The following CELF2 variants were observed in gnomAD, a reference collection of about 807,000 sequenced individuals.
CELF2 encodes CUG triplet repeat RNA-binding protein 2.
A neutral mutation model predicts 62.6 loss-of-function variants in CELF2; 8 were observed. That is an observed-to-expected ratio of 0.13 (90% CI 0.07 to 0.23). CELF2 has a LOEUF of 0.23. Ranked by LOEUF, CELF2 falls within the 10% of genes least tolerant of loss-of-function variation. The probability of loss-of-function intolerance (pLI) is 1.00; values close to 1 mark genes in which losing one functional copy is unlikely to be tolerated. For synonymous variants in CELF2, 258 were observed against 250.0 expected, an observed-to-expected ratio of 1.03 and a Z score of -0.30; for missense variants, 333 against 671.0, an observed-to-expected ratio of 0.50 and a Z score of 5.56.
chr10:10,699,211 A>G, the CELF2 span, among the ~76,000 whole-genome samples: 1 of 152,248 alleles, frequency 6.6e-6, no homozygotes, highest in East Asian at 1.9e-4. Context: ...GTATATATAC[A>G]CATACATATC....
the CELF2 span, among the ~76,000 whole-genome samples, chr10:10,683,966 C>T: frequency 2.0e-5 from 3 of 152,046 alleles, no homozygotes; most frequent in African/African-American, 7.2e-5. Flanking sequence ...CCTTTCACTC[C>T]TTTTCAGAAT....
At chr10:10,835,335 C>T (rs2058192434) in intron 1 of CELF2, among the ~76,000 whole-genome samples, 1 of 151,262 alleles carries the variant, frequency 6.6e-6, no homozygotes, top group Admixed American at 6.6e-5. Flanking sequence ...AAGTAGCCCT[C>T]TGGCCTCAGT....
At chr10:10,687,013 C>T in the CELF2 span, among the ~76,000 whole-genome samples, 1 of 150,040 alleles carries the variant, frequency 6.7e-6, no homozygotes, top group Non-Finnish European at 1.5e-5. Flanking sequence ...CTCCCTAACC[C>T]TTGTTTCAGG....
chr10:11,307,654 T>C (rs1420596871), intron 9 of CELF2, among the ~76,000 whole-genome samples: 1 of 152,170 alleles, frequency 6.6e-6, no homozygotes, highest in Non-Finnish European at 1.5e-5. Flanking sequence ...AACAGAAGGT[T>C]GGGGAGATGA....
intron 3 of CELF2, among the ~76,000 whole-genome samples, chr10:11,229,344 C>T (rs1015422746): frequency 1.9e-4 from 28 of 149,582 alleles, no homozygotes; most frequent in African/African-American, 6.2e-4. Flanking sequence ...CTGGGAAAGA[C>T]CCAGAAACCT....
intron 1 of CELF2, among the ~76,000 whole-genome samples, chr10:10,825,446 G>A (rs2057314478): frequency 6.6e-6 from 1 of 152,120 alleles, no homozygotes; most frequent in Non-Finnish European, 1.5e-5. Flanking sequence ...TCCTGACCTT[G>A]TGATCTGTCC....
Position 10,845,918 on chromosome 10 carries a change from C to A in CELF2, c.53+47101C>A, listed in dbSNP as rs548480698. On this transcript the variant is annotated intron_variant, in intron 1 of 13. Transcript: ENST00000636488. Reference sequence around the variant, plus strand: ...AAAACAAAAGGAAACCAAGAAAAAACCCCTCATTATTATGTAACTATTTGG... The same window carrying A: ...AAAACAAAAGGAAACCAAGAAAAAAACCCTCATTATTATGTAACTATTTGG... 30 of 155,752 alleles carry A rather than the reference C, an allele frequency of 1.9e-4. 1 individual carries two copies. Among genetic ancestry groups the A allele is most frequent in the South Asian group, 4.1e-4 (2 of 4,894 alleles). The allele number at this position is 155,752 out of a possible 1,614,324, so 9.6% of individuals were successfully genotyped here.
chr10:11,111,873 T>C (rs1188285364), intron 1 of CELF2, among the ~76,000 whole-genome samples: 1 of 152,238 alleles, frequency 6.6e-6, no homozygotes, highest in African/African-American at 2.4e-5. Context: ...AGTTTTATCT[T>C]TTGAATTTGG....
At chr10:10,581,453 G>A in the CELF2 span, among the ~76,000 whole-genome samples, 1 of 152,138 alleles carries the variant, frequency 6.6e-6, no homozygotes, top group Non-Finnish European at 1.5e-5. Flanking sequence ...CCAAATAAGA[G>A]ATGAGGAGAA....
At position 11,312,195 on chromosome 10, in the gene CELF2, G is replaced by A. The variant is rs2094595363; in HGVS notation, c.977-1944G>A. 2.6e-5 allele frequency among the ~76,000 whole-genome samples: 4 copies of A among 152,258 alleles called. No individual in the cohort carries two copies. In the South Asian group the frequency reaches 8.3e-4, roughly 32 times the overall value. ...CAGGAAAGAAATATTTCATGAACTA[G>A]GATAAAGATGTAATTTTCATACAAA... On this transcript the variant is annotated intron_variant, in intron 9 of 12. Transcript: ENST00000633077.
At chr10:11,043,261 T>C (rs2062162844) in intron 1 of CELF2, among the ~76,000 whole-genome samples, 1 of 152,210 alleles carries the variant, frequency 6.6e-6, no homozygotes. Context: ...CGGAGGGTAT[T>C]AGGCAGGGCC....
intron 1 of CELF2, among the ~76,000 whole-genome samples, chr10:10,847,727 T>C (rs1046284076): frequency 1.5e-4 from 23 of 152,218 alleles, no homozygotes; most frequent in Non-Finnish European, 2.9e-4. Flanking sequence ...CTCATTGTTC[T>C]GCAGAATCAC....
At chr10:10,725,818 T>C in the CELF2 span, among the ~76,000 whole-genome samples, 1 of 152,046 alleles carries the variant, frequency 6.6e-6, no homozygotes, top group Non-Finnish European at 1.5e-5. Flanking sequence ...CTTCCTTCCT[T>C]CCCTTATTTA....
At chr10:11,257,895 C>G in intron 5 of CELF2, 23 bp downstream of exon 5, 1 of 1,613,338 alleles carries the variant, frequency 6.2e-7, no homozygotes, top group Non-Finnish European at 8.5e-7. Context: ...TCTGGAAAGC[C>G]TCTCCCCTTC....
the CELF2 span, among the ~76,000 whole-genome samples, chr10:10,598,201 G>C: frequency 6.6e-6 from 1 of 152,190 alleles, no homozygotes; most frequent in African/African-American, 2.4e-5. Context: ...TATTTCAGAT[G>C]AGATGCTGTG....
chr10:11,182,634 G>T (rs1047602766), intron 2 of CELF2, among the ~76,000 whole-genome samples: 3 of 152,176 alleles, frequency 2.0e-5, no homozygotes, highest in African/African-American at 7.2e-5. Flanking sequence ...GAGAAAATGA[G>T]AGTGGAAGTT....
chr10:11,038,930 T>G (rs1255470547), intron 1 of CELF2, among the ~76,000 whole-genome samples: 1 of 152,172 alleles, frequency 6.6e-6, no homozygotes, highest in Non-Finnish European at 1.5e-5. Flanking sequence ...ATGGAAATTT[T>G]TACAGATTCT....
intron 1 of CELF2, among the ~76,000 whole-genome samples, chr10:10,811,597 G>A (rs1057142879): frequency 6.6e-6 from 1 of 152,152 alleles, no homozygotes; most frequent in Non-Finnish European, 1.5e-5. Context: ...AGGGATGGAG[G>A]AAGGGATCAC....
chr10:10,651,665 C>G, the CELF2 span, among the ~76,000 whole-genome samples: 1 of 150,262 alleles, frequency 6.7e-6, no homozygotes, highest in Admixed American at 6.7e-5. Flanking sequence ...AGGGTCCTGT[C>G]TGTTAGAAGG....
Sources: allele counts gnomAD v4.1 joint callset (sites outside exome capture counted in the v4.1 genomes callset), GRCh38; gene constraint gnomAD v4.1.1; transcripts MANE v1.5; gene names NCBI Gene and HGNC (gene_info 2026-07-23, HGNC 2026-07-21).